The following ACACA variants were observed in gnomAD, a reference collection of about 807,000 sequenced individuals.
The protein encoded by ACACA is acetyl-CoA carboxylase alpha.
A neutral mutation model predicts 296.1 loss-of-function variants in ACACA; 103 were observed. That is an observed-to-expected ratio of 0.35 (90% confidence interval 0.30 to 0.41). ACACA has a LOEUF of 0.41. Ranked by LOEUF, ACACA falls within the 10% of genes least tolerant of loss-of-function variation. The pLI is 1.00. For missense variants in ACACA, 1,554 were observed against 2,989.7 expected, an observed-to-expected ratio of 0.52 and a Z score of 11.20; for synonymous variants, 953 against 1,038.6, an observed-to-expected ratio of 0.92 and a Z score of 1.58.
intron 11 of ACACA, among the ~76,000 whole-genome samples, chr17:37,259,880 A>AT (rs1328076559): frequency 0.013 from 1,767 of 137,804 alleles, 26 homozygotes; most frequent in African/African-American, 0.03. Flanking sequence ...TAGAGACTAG[A>AT]TTTTTTTTTT....
At chr17:37,233,163 G>A (rs535238245) in intron 25 of ACACA, among the ~76,000 whole-genome samples, 29 of 152,102 alleles carry the variant, frequency 1.9e-4, no homozygotes, top group Non-Finnish European at 3.4e-4. Flanking sequence ...AGCACCCCCC[G>A]CGTAATTACA....
rs373836905 is a variant in ACACA at position 37,390,506 on chromosome 17, A to G, written c.38+15756T>C. 1.1e-4 allele frequency among the ~76,000 whole-genome samples: 17 copies of G among 148,382 alleles called. No individual in the cohort carries two copies. In the East Asian group the frequency reaches 2.0e-3, roughly 18 times the overall value. On this transcript the variant is annotated intron_variant, in intron 1 of 55. Coordinates refer to ENST00000616317, the MANE Select transcript of ACACA (RefSeq NM_198834.3). ...GTGGGGCATGGTGGTGTGCACCCGT[A>G]GTCCCAGCTACTCGGGAGGCTGAGG...
intron 3 of ACACA, among the ~76,000 whole-genome samples, chr17:37,300,439 T>G (rs2083564293): frequency 6.6e-6 from 1 of 152,120 alleles, no homozygotes; most frequent in Admixed American, 6.6e-5. Context: ...GACAACTTCC[T>G]GAGGCAAGTC....
chr17:37,217,754 AAAAAAAAAAAC>A lies in ACACA; in HGVS notation c.3683+3959_3683+3969del, dbSNP rs1436591210. Among the ~76,000 whole-genome samples, 5 of 146,380 alleles carry A rather than the reference AAAAAAAAAAAC, an allele frequency of 3.4e-5. 1 individual carries two copies. The highest frequency in any genetic ancestry group is 1.3e-4 in the African/African-American group (5 of 38,838). ...CATCTCAAAAAAAAAAAAAAAAAAA[AAAAAAAAAAAC>A]AACCTGTTTTCTCCCCCAATAATTT... On this transcript the variant is annotated intron_variant, in intron 29 of 55. Coordinates refer to ENST00000616317, the MANE Select transcript of ACACA (RefSeq NM_198834.3).
chr17:37,288,535 A>G (rs2082896066), intron 3 of ACACA, among the ~76,000 whole-genome samples: 1 of 152,194 alleles, frequency 6.6e-6, no homozygotes, highest in Non-Finnish European at 1.5e-5. Flanking sequence ...AACGTTCTAT[A>G]TCTTGATCTC....
intron 7 of ACACA, 36 bp downstream of exon 7, chr17:37,276,997 A>C: frequency 3.2e-6 from 5 of 1,579,896 alleles, no homozygotes; most frequent in Non-Finnish European, 4.4e-6. Context: ...TGACAGAAAG[A>C]AACAGAAAGA....
chr17:37,118,606 G>C (rs1009436092), intron 50 of ACACA, among the ~76,000 whole-genome samples: 3 of 152,142 alleles, frequency 2.0e-5, no homozygotes, highest in Non-Finnish European at 4.4e-5. Flanking sequence ...CTGTGTTACA[G>C]GGAGCTACAT....
rs367773454 is a variant in ACACA at position 37,263,754 on chromosome 17, C to T, written c.1260G>A (p.Arg420=). Residue 420 remains arginine (R), a synonymous_variant, in exon 11 of 56, where the codon AGG becomes AGA. Transcript: ENST00000616317. ...GTGCTTCTTCAATAATCTTCTGATG[C>T]CTGCGTTGTACAGAGCAATCACGAC... is the stretch of plus-strand genomic sequence containing the variant. The part of the protein sequence containing the change: ...LFGRDCSVQR[R]HQKIIEEAPA... The T allele has an allele frequency of 6.2e-7, 1 of 1,613,954 alleles. No individual in the cohort carries two copies. Among genetic ancestry groups the T allele is most frequent in the Non-Finnish European group, 8.5e-7 (1 of 1,179,990 alleles).
intron 38 of ACACA, among the ~76,000 whole-genome samples, chr17:37,190,557 T>C (rs967225670): frequency 2.0e-5 from 3 of 152,158 alleles, no homozygotes; most frequent in African/African-American, 7.2e-5. Context: ...TTATATAGAA[T>C]GCATTTCAGA....
chr17:37,174,020 A>ATATATATATATATTTTT (rs552735515), intron 41 of ACACA, among the ~76,000 whole-genome samples: 1 of 16,794 alleles, frequency 6.0e-5, no homozygotes, highest in African/African-American at 2.6e-4. Flanking sequence ...ATATATATAT[A>ATATATATATATATTTTT]TTTTTTTTTT....
chr17:37,293,282 T>C (rs1598418431), intron 3 of ACACA, among the ~76,000 whole-genome samples: 1 of 152,320 alleles, frequency 6.6e-6, no homozygotes, highest in African/African-American at 2.4e-5. Flanking sequence ...ACAAAATTAT[T>C]ATTTTTTCTC....
At chr17:37,137,757 A>G (rs953948982) in intron 45 of ACACA, among the ~76,000 whole-genome samples, 5 of 152,156 alleles carry the variant, frequency 3.3e-5, no homozygotes, top group South Asian at 2.1e-4. Flanking sequence ...AATTCTTTAC[A>G]TGGGCTAAAA....
chr17:37,390,194 T>A lies in ACACA; in HGVS notation c.38+16068A>T, dbSNP rs1241534516. The stretch of plus-strand genomic sequence containing the variant: ...TATATATACACACACACATTATATA[T>A]AAATATATATAATTATATATTTATT... On this transcript the variant is annotated intron_variant, in intron 1 of 55. Transcript: ENST00000616317. Among the ~76,000 whole-genome samples, 263 of 76,178 alleles carry A rather than the reference T, an allele frequency of 3.5e-3. 8 individuals are homozygous for A. Among genetic ancestry groups the A allele is most frequent in the African/African-American group, 0.016 (254 of 15,524 alleles). The allele number at this position is 76,178 out of a possible 152,430, so 50.0% of individuals were successfully genotyped here.
At chr17:37,304,277 T>C (rs973696997) in intron 3 of ACACA, among the ~76,000 whole-genome samples, 2 of 152,066 alleles carry the variant, frequency 1.3e-5, no homozygotes, top group Non-Finnish European at 2.9e-5. Flanking sequence ...ACACTCAATA[T>C]GCTCAAGCGA....
rs183522929 is a variant in ACACA at position 37,398,317 on chromosome 17, G to A, written c.38+7945C>T. Among the ~76,000 whole-genome samples, 216 of 110,470 alleles carry A rather than the reference G, an allele frequency of 2.0e-3. 2 individuals are homozygous for A. In the South Asian group the frequency reaches 0.025, roughly 13 times the overall value. 72.5% of individuals were successfully genotyped at this position (110,470 alleles called of 152,430 possible). On this transcript the variant is annotated intron_variant, in intron 1 of 55. Transcript: ENST00000616317. ...TTTTTTTTTTTTGAGACGAAGTTTCGCTCTTGTTGCCCAGGCTGGAACGCA... is the reference window on the plus strand; with the variant it reads ...TTTTTTTTTTTTGAGACGAAGTTTCACTCTTGTTGCCCAGGCTGGAACGCA...
intron 45 of ACACA, among the ~76,000 whole-genome samples, chr17:37,142,136 C>A (rs545522495): frequency 6.6e-6 from 1 of 151,964 alleles, no homozygotes; most frequent in South Asian, 2.1e-4. Flanking sequence ...TCAGAGCTTT[C>A]ACTTTATCTA....
intron 2 of ACACA, among the ~76,000 whole-genome samples, chr17:37,337,926 T>C: frequency 6.6e-6 from 1 of 151,796 alleles, no homozygotes; most frequent in Non-Finnish European, 1.5e-5. Flanking sequence ...TGAAACCCCA[T>C]CTCTAATAAA....
chr17:37,248,995 C>T (rs962812410), intron 16 of ACACA, among the ~76,000 whole-genome samples: 7 of 152,158 alleles, frequency 4.6e-5, no homozygotes, highest in African/African-American at 1.7e-4. Flanking sequence ...AAACTCTACA[C>T]CCATTAACAA....
chr17:37,155,312 T>C (rs1479888520), intron 43 of ACACA, among the ~76,000 whole-genome samples: 1 of 152,116 alleles, frequency 6.6e-6, no homozygotes, highest in African/African-American at 2.4e-5. Context: ...GGATAAATTA[T>C]AAAAGAAATT....
Sources: allele counts gnomAD v4.1 joint callset (sites outside exome capture counted in the v4.1 genomes callset), GRCh38; gene constraint gnomAD v4.1.1; transcripts MANE v1.5; gene names NCBI Gene and HGNC (gene_info 2026-07-23, HGNC 2026-07-21).